Variants in AMPD3 observed in about 807,000 individuals in gnomAD.
AMPD3 encodes the protein AMP deaminase 3.
In AMPD3, 57 loss-of-function variants were observed where a neutral mutation model predicts 82.3. The observed-to-expected ratio is 0.69, with a 90% CI of 0.56 to 0.86. The LOEUF (loss-of-function observed/expected upper bound fraction) is 0.86, where lower values mean the gene tolerates loss of function less well. AMPD3 is among the 40% of genes least tolerant of loss of function. The probability of loss-of-function intolerance (pLI) is 0.00; values close to 1 mark genes in which losing one functional copy is unlikely to be tolerated. For missense variants in AMPD3, 870 were observed against 1,003.8 expected, an observed-to-expected ratio of 0.87 and a Z score of 1.80; for synonymous variants, 381 against 394.7, an observed-to-expected ratio of 0.97 and a Z score of 0.41.
At position 10,456,291 on chromosome 11, in the gene AMPD3, C is replaced by T; in HGVS notation, c.-6+843C>T. On this transcript the variant is annotated intron_variant, in intron 1 of 14. Transcript: ENST00000396553. The surrounding 1 kb of genome is among the most constrained non-coding windows in gnomAD (Gnocchi z 4.3). ...ACTCCAGCCGGCAGACAGGACCCAG[C>T]CAGCTGCACGCACGCACTGACTCAG... The T allele has an allele frequency of 6.3e-7, 1 of 1,591,432 alleles. No individual in the cohort carries two copies. Among genetic ancestry groups the T allele is most frequent in the Non-Finnish European group, 8.6e-7 (1 of 1,165,806 alleles).
At chr11:10,489,335 C>T (rs1849173293) in intron 6 of AMPD3, among the ~76,000 whole-genome samples, 1 of 152,236 alleles carries the variant, frequency 6.6e-6, no homozygotes, top group Admixed American at 6.5e-5. Flanking sequence ...GGCTTACCTG[C>T]TTCCTGCTGC....
intron 12 of AMPD3, 42 bp downstream of exon 12, chr11:10,501,632 C>T (rs1002588431): frequency 3.1e-6 from 5 of 1,613,936 alleles, no homozygotes; most frequent in Non-Finnish European, 4.2e-6. Flanking sequence ...AGTGACTGCC[C>T]TGCCCTGGGC....
intron 3 of AMPD3, among the ~76,000 whole-genome samples, chr11:10,481,049 A>G (rs565301101): frequency 6.6e-6 from 1 of 152,338 alleles, no homozygotes; most frequent in Non-Finnish European, 1.5e-5. Flanking sequence ...TTGGGACTCA[A>G]TCAGGTTAGA....
intron 9 of AMPD3, 91 bp downstream of exon 9, chr11:10,495,824 G>A (rs755929926): frequency 1.3e-6 from 2 of 1,529,304 alleles, no homozygotes; most frequent in East Asian, 4.6e-5. Context: ...CTGAGGGGTA[G>A]GGCCTGTTCT....
Position 10,500,261 on chromosome 11 carries a change from C to A in AMPD3, c.1721+12C>A. 6 of 1,614,128 alleles carry A rather than the reference C, an allele frequency of 3.7e-6. No homozygotes were observed. Among genetic ancestry groups the A allele is most frequent in the Non-Finnish European group, 5.1e-6 (6 of 1,179,952 alleles). Reference sequence around the variant, plus strand: ...AACAACCTCCGCAGGTGCGTGAGGCCTGCCCTCGCACATGCTTGGGTTCAT... The same window carrying A: ...AACAACCTCCGCAGGTGCGTGAGGCATGCCCTCGCACATGCTTGGGTTCAT... On this transcript the variant is annotated intron_variant, in intron 11 of 14. Transcript: ENST00000396553.
At chr11:10,466,342 A>C (rs1046209693) in intron 2 of AMPD3, among the ~76,000 whole-genome samples, 2 of 151,914 alleles carry the variant, frequency 1.3e-5, no homozygotes, top group Non-Finnish European at 2.9e-5. Flanking sequence ...TGGGACACTC[A>C]AGCTTCGTAG....
At chr11:10,500,285 A>G in intron 11 of AMPD3, 36 bp downstream of exon 11, 1 of 1,611,910 alleles carries the variant, frequency 6.2e-7, no homozygotes, top group Admixed American at 1.7e-5. Context: ...GCTTGGGTTC[A>G]TGTGTTAGTA....
upstream of AMPD3, chr11:10,450,840 G>C: frequency 8.4e-7 from 1 of 1,196,846 alleles, no homozygotes; most frequent in Non-Finnish European, 1.0e-6. Flanking sequence ...CTCCCGCGGG[G>C]CCCTCCTGGC....
At chr11:10,500,897 T>C in intron 11 of AMPD3, 1 of 985,442 alleles carries the variant, frequency 1.0e-6, no homozygotes, top group Non-Finnish European at 1.2e-6. Flanking sequence ...TTTCCCCTGC[T>C]GGGCCCTGGG....
chr11:10,462,326 G>A lies in AMPD3; in HGVS notation c.221+586G>A, dbSNP rs570376619. 9.2e-5 allele frequency among the ~76,000 whole-genome samples: 14 copies of A among 152,250 alleles called. No individual in the cohort carries two copies. The East Asian group carries it at 2.5e-3, about 27-fold the overall frequency. On this transcript the variant is annotated intron_variant, in intron 2 of 14. Coordinates refer to ENST00000396553, the MANE Select transcript of AMPD3 (RefSeq NM_001025389.2). ...GTAGAGAGCTGAGAAACCAAACAGG[G>A]GAGAGAGAGGCGGCTCAGAGATTAG... is the stretch of plus-strand genomic sequence containing the variant.
At chr11:10,478,804 C>T (rs1357104629) in intron 3 of AMPD3, 74 bp downstream of exon 3, 13 of 1,499,382 alleles carry the variant, frequency 8.7e-6, no homozygotes, top group African/African-American at 2.8e-5. Context: ...CAGGGTCGTG[C>T]CTCCCTCTGG....
Position 10,500,010 on chromosome 11 carries a change from A to G in AMPD3, c.1558-76A>G, listed in dbSNP as rs1213966607. ...CCAGACCCACAGGCCTCTGGCAGCT[A>G]TGAGCTCTGGGAGGCTGAACCGAGG... On this transcript the variant is annotated intron_variant, in intron 10 of 14. Transcript: ENST00000396553. The G allele has an allele frequency of 5.0e-6, 8 of 1,596,104 alleles. No individual in the cohort carries two copies. The Admixed American group carries it at 8.6e-5, about 17-fold the overall frequency.
chr11:10,500,399 C>T (rs1208049153), intron 11 of AMPD3, 150 bp downstream of exon 11: 1 of 1,204,638 alleles, frequency 8.3e-7, no homozygotes, highest in Non-Finnish European at 1.2e-6. Flanking sequence ...CCTCAAAACA[C>T]ACAGCACTTT....
At chr11:10,497,070 G>A in intron 10 of AMPD3, 132 bp downstream of exon 10, 10 of 1,176,320 alleles carry the variant, frequency 8.5e-6, no homozygotes, top group Non-Finnish European at 1.3e-5. Context: ...TTCCAGGCGT[G>A]GGGTCACCAG....
chr11:10,476,566 T>G (rs1440476163), intron 2 of AMPD3, among the ~76,000 whole-genome samples: 1 of 151,924 alleles, frequency 6.6e-6, no homozygotes, highest in Non-Finnish European at 1.5e-5. Context: ...GGACCAGACC[T>G]CAGGCAGCCT....
chr11:10,481,515 G>T (rs1338084825), intron 3 of AMPD3: 26 of 985,176 alleles, frequency 2.6e-5, no homozygotes, highest in Non-Finnish European at 2.9e-5. Flanking sequence ...TGTCTCCTGT[G>T]TTGGGGGTCT....
chr11:10,494,887 C>G lies in AMPD3; in HGVS notation c.1135-12C>G, dbSNP rs1033033466. ...AGAACGATGCGTTGATTGGTGTGGT[C>G]TCCCCCCTCAGGGCCGGCAGACATT... is the stretch of plus-strand genomic sequence containing the variant. On this transcript the variant is annotated splice_polypyrimidine_tract_variant and intron_variant, in intron 7 of 14. Coordinates refer to ENST00000396553, the MANE Select transcript of AMPD3 (RefSeq NM_001025389.2). The G allele has an allele frequency of 4.3e-6, 7 of 1,612,318 alleles. No homozygotes were observed. Among genetic ancestry groups the G allele is most frequent in the Non-Finnish European group, 5.1e-6 (6 of 1,178,654 alleles).
chr11:10,485,795 C>T (rs1447658311), intron 5 of AMPD3, among the ~76,000 whole-genome samples: 3 of 151,964 alleles, frequency 2.0e-5, no homozygotes, highest in East Asian at 3.9e-4. Flanking sequence ...CCATGATGCT[C>T]GTGGGCTTGG....
At chr11:10,454,571 A>G (rs1848040441), upstream of AMPD3, among the ~76,000 whole-genome samples, 1 of 152,222 alleles carries the variant, frequency 6.6e-6, no homozygotes, top group Admixed American at 6.5e-5. Context: ...ATAAGGGACT[A>G]CAGGATGCAG....
Sources: gnomAD v4.1 joint callset for allele counts (sites outside exome capture counted in the v4.1 genomes callset) on GRCh38, gnomAD v4.1.1 for gene constraint, Gnocchi (gnomAD v3.1) non-coding constraint, MANE v1.5 for transcripts, NCBI Gene and HGNC (gene_info 2026-07-23, HGNC 2026-07-21) for gene names.